Variants in LARS1 observed in about 807,000 individuals in gnomAD.
LARS1 encodes leucyl-tRNA synthetase 1, also known as leucine--tRNA ligase, cytoplasmic.
A neutral mutation model predicts 162.8 loss-of-function variants in LARS1; 100 were observed. That is an observed-to-expected ratio of 0.61 (90% CI 0.52 to 0.73). The LOEUF is 0.73. LARS1 is among the 30% of genes least tolerant of loss of function. The pLI is 0.00. For missense variants in LARS1, 1,258 were observed against 1,408.9 expected (o/e 0.89, Z 1.71); for synonymous variants, 457 against 462.8 (o/e 0.99, Z 0.16).
Position 146,130,288 on chromosome 5 carries a change from T to A in LARS1, c.2488-130A>T, listed in dbSNP as rs191151724. On this transcript the variant is annotated intron_variant, in intron 24 of 31. Coordinates refer to ENST00000394434, the MANE Select transcript of LARS1 (RefSeq NM_020117.11). ...CTTTTAAAAATCCATAACAAATTAC[T>A]GTAAAGGTTTTACTTTAAGAATCTG... 4.0e-4 allele frequency: 342 copies of A among 853,298 alleles called. 2 individuals are homozygous for A. The African/African-American group carries it at 5.4e-3, about 13-fold the overall frequency. The allele number at this position is 853,298 out of a possible 1,614,324, so 52.9% of individuals were successfully genotyped here. A position where few individuals can be genotyped will look rare whatever the true frequency, so the allele number is the denominator to read the frequency against.
intron 10 of LARS1, among the ~76,000 whole-genome samples, chr5:146,155,070 T>C (rs1212286071): frequency 6.6e-6 from 1 of 152,102 alleles, no homozygotes; most frequent in Non-Finnish European, 1.5e-5. Context: ...CAGGCTGGTC[T>C]TGAACTCCTG....
intron 1 of LARS1, among the ~76,000 whole-genome samples, chr5:146,178,131 C>T (rs1405913946): frequency 2.6e-5 from 4 of 152,032 alleles, no homozygotes; most frequent in Admixed American, 2.6e-4. Context: ...GACCTGTGTA[C>T]CTCAAACCTC....
At chr5:146,149,360 T>C (rs1369637031) in intron 15 of LARS1, among the ~76,000 whole-genome samples, 1 of 152,172 alleles carries the variant, frequency 6.6e-6, no homozygotes, top group Admixed American at 6.6e-5. Flanking sequence ...TACCAGTATC[T>C]AAAATGGCCA....
intron 1 of LARS1, among the ~76,000 whole-genome samples, chr5:146,181,848 C>CATTTTTTTTTTTT (rs1754863313): frequency 1.9e-5 from 1 of 53,030 alleles, no homozygotes; most frequent in African/African-American, 7.0e-5. Flanking sequence ...TCAATTTTTT[C>CATTTTTTTTTTTT]TTTTTTTTTT....
chr5:146,125,015 A>G (rs942764238), intron 28 of LARS1, among the ~76,000 whole-genome samples: 1 of 151,730 alleles, frequency 6.6e-6, no homozygotes, highest in African/African-American at 2.4e-5. Context: ...ACACACACAC[A>G]CGCACACACA....
At chr5:146,149,004 G>A (rs1412761779) in intron 15 of LARS1, among the ~76,000 whole-genome samples, 1 of 152,156 alleles carries the variant, frequency 6.6e-6, no homozygotes, top group Non-Finnish European at 1.5e-5. Flanking sequence ...GAACCCAGGA[G>A]GTGGAGGTTG....
intron 24 of LARS1, chr5:146,130,792 T>C (rs1752242215): frequency 1.1e-5 from 4 of 374,562 alleles, no homozygotes; most frequent in Non-Finnish European, 1.9e-5. Flanking sequence ...TTAATGCTCA[T>C]AGCTTAACTA....
chr5:146,124,466 A>C (rs536823908), intron 28 of LARS1, among the ~76,000 whole-genome samples: 1 of 151,990 alleles, frequency 6.6e-6, no homozygotes, highest in South Asian at 2.1e-4. Context: ...TTACCCAAAA[A>C]AAACAAAATT....
At chr5:146,117,230 G>A (rs1317761499) in intron 31 of LARS1, among the ~76,000 whole-genome samples, 2 of 152,044 alleles carry the variant, frequency 1.3e-5, no homozygotes, top group Non-Finnish European at 2.9e-5. Flanking sequence ...CTATATTTGA[G>A]TACATTTAAA....
At chr5:146,137,508 T>C (rs1236565916) in intron 21 of LARS1, among the ~76,000 whole-genome samples, 3 of 152,114 alleles carry the variant, frequency 2.0e-5, no homozygotes, top group African/African-American at 4.8e-5. Flanking sequence ...ATATTATTAA[T>C]AGTAACAGTA....
intron 20 of LARS1, among the ~76,000 whole-genome samples, chr5:146,141,763 T>C (rs1015850064): frequency 6.6e-6 from 1 of 152,106 alleles, no homozygotes; most frequent in East Asian, 1.9e-4. Flanking sequence ...GCCATTGCAC[T>C]CCAGCCTGAA....
At chr5:146,140,062 C>T (rs1445471079) in intron 21 of LARS1, 142 bp downstream of exon 21, 2 of 672,146 alleles carry the variant, frequency 3.0e-6, no homozygotes, top group African/African-American at 1.8e-5. Flanking sequence ...CCACCTTGGC[C>T]TCCCAAAGCT....
At chr5:146,141,168 A>G (rs1254689607) in intron 20 of LARS1, among the ~76,000 whole-genome samples, 1 of 152,190 alleles carries the variant, frequency 6.6e-6, no homozygotes, top group Non-Finnish European at 1.5e-5. Flanking sequence ...GGGGGTTGAG[A>G]GCAAGAGTTG....
In LARS1 at chr5:146,164,402, CAGACA is replaced by C; in HGVS notation, c.497_501del (p.Leu166ArgfsTer2). Reference sequence around the variant, plus strand: ...TCAGAAAATTTTACTATCTCTTCATCAGACAGGCCAAGGGATTTCATAATGCCCCA... The same window carrying C: ...TCAGAAAATTTTACTATCTCTTCATCGGCCAAGGGATTTCATAATGCCCCA... On this transcript the variant is annotated frameshift_variant, in exon 6 of 32. Coordinates refer to ENST00000394434, the MANE Select transcript of LARS1 (RefSeq NM_020117.11). LOFTEE classifies it high-confidence loss of function. The C allele has an allele frequency of 6.2e-7, 1 of 1,613,964 alleles. No individual in the cohort carries two copies. Among genetic ancestry groups the C allele is most frequent in the Non-Finnish European group, 8.5e-7 (1 of 1,179,862 alleles).
At position 146,142,902 on chromosome 5, in the gene LARS1, T is replaced by C. The variant is rs138473274; in HGVS notation, c.2060A>G (p.Tyr687Cys). Residue 687 changes from tyrosine (Y) to cysteine (C), a missense_variant, in exon 20 of 32, where the codon TAT (tyrosine) becomes TGT (cysteine). Coordinates refer to ENST00000394434, the MANE Select transcript of LARS1 (RefSeq NM_020117.11). ...TTCCGGCCACATAGCCACATGATTA[T>C]AAAGGTAATATGAAAGATGATTTGG... ...LVPNHLSYYL[Y>C]NHVAMWPEQS... The C allele has an allele frequency of 7.8e-4, 1,259 of 1,613,886 alleles. 11 individuals are homozygous for C. Among genetic ancestry groups the C allele is most frequent in the Non-Finnish European group, 1.1e-4 (125 of 1,179,884 alleles).
At chr5:146,147,491 A>C (rs2126500308) in intron 15 of LARS1, among the ~76,000 whole-genome samples, 1 of 152,236 alleles carries the variant, frequency 6.6e-6, no homozygotes, top group South Asian at 2.1e-4. Flanking sequence ...GATAGGTATT[A>C]CAGGAATTTA....
intron 15 of LARS1, among the ~76,000 whole-genome samples, chr5:146,145,117 A>G (rs943975891): frequency 6.6e-6 from 1 of 151,892 alleles, no homozygotes; most frequent in Non-Finnish European, 1.5e-5. Flanking sequence ...TTGCTCTGTT[A>G]CCCAGGCTGG....
intron 10 of LARS1, among the ~76,000 whole-genome samples, chr5:146,156,686 C>T (rs1753543340): frequency 1.4e-5 from 2 of 145,256 alleles, no homozygotes; most frequent in African/African-American, 5.0e-5. Flanking sequence ...AAGGGCAAAA[C>T]TGTCTACAAA....
intron 8 of LARS1, 89 bp from the exon 9 acceptor site, chr5:146,157,884 C>T: frequency 7.9e-7 from 1 of 1,272,636 alleles, no homozygotes. Context: ...ATTCAAGTCC[C>T]TAAAATGGGT....
Sources: gnomAD v4.1 joint callset for allele counts (sites outside exome capture counted in the v4.1 genomes callset) on GRCh38, gnomAD v4.1.1 for gene constraint, MANE v1.5 for transcripts, NCBI Gene and HGNC (gene_info 2026-07-23, HGNC 2026-07-21) for gene names.